Variants in DENND1B observed in about 807,000 individuals in gnomAD.
The protein encoded by DENND1B is DENN domain-containing protein 1B.
Under a neutral mutation model 90.1 loss-of-function variants are expected in DENND1B, and 59 were observed. The observed-to-expected ratio is 0.65, with a 90% confidence interval of 0.53 to 0.81. The LOEUF is 0.81. Among genes scored for constraint, DENND1B ranks in the 40% least tolerant of loss-of-function variants. The pLI, the probability that DENND1B is intolerant of heterozygous loss-of-function variation, is 0.00. For synonymous variants in DENND1B, 337 were observed against 324.6 expected (o/e 1.04, Z -0.41); for missense variants, 862 against 912.6 (o/e 0.94, Z 0.71).
chr1:197,777,522 A>G (rs1657328643), upstream of DENND1B, among the ~76,000 whole-genome samples: 1 of 152,192 alleles, frequency 6.6e-6, no homozygotes, highest in Non-Finnish European at 1.5e-5. Flanking sequence ...AAATTAGAAA[A>G]CAAATATCAT....
At chr1:197,582,946 G>A (rs1288875450) in intron 15 of DENND1B, among the ~76,000 whole-genome samples, 1 of 152,110 alleles carries the variant, frequency 6.6e-6, no homozygotes, top group African/African-American at 2.4e-5. Context: ...AGCCACATTT[G>A]ATGAGAAATT....
chr1:197,613,970 T>C (rs1677410280), intron 11 of DENND1B, among the ~76,000 whole-genome samples: 1 of 150,794 alleles, frequency 6.6e-6, no homozygotes, highest in South Asian at 2.1e-4. Flanking sequence ...AATGGGTGGG[T>C]CAGATTTTCT....
rs923539453 is a variant in DENND1B, at chr1:197,599,591, C to T, written c.922-4258G>A. On this transcript the variant is annotated intron_variant, in intron 13 of 22. Transcript: ENST00000620048. ...TTATAAAGTTGAAAACTTTTATTCTCCCTTGAATCATGTTATAGTTATCAC... is the reference window on the plus strand; with the variant it reads ...TTATAAAGTTGAAAACTTTTATTCTTCCTTGAATCATGTTATAGTTATCAC... 2.0e-4 allele frequency among the ~76,000 whole-genome samples: 31 copies of T among 151,610 alleles called. 1 individual carries two copies. Among genetic ancestry groups the T allele is most frequent in the Non-Finnish European group, 4.4e-5 (3 of 67,828 alleles).
intron 5 of DENND1B, among the ~76,000 whole-genome samples, chr1:197,663,981 T>C (rs764700911): frequency 4.8e-4 from 73 of 151,414 alleles, no homozygotes; most frequent in Non-Finnish European, 8.6e-4. Context: ...AACATCATTT[T>C]TAAAAAGAAA....
At chr1:197,658,396 T>C in intron 5 of DENND1B, 27 bp from the exon 6 acceptor site, 1 of 1,414,408 alleles carries the variant, frequency 7.1e-7, no homozygotes, top group Non-Finnish European at 9.9e-7. Context: ...TTAAAATGTA[T>C]ATACATAAAA....
At chr1:197,734,157 A>C in intron 2 of DENND1B, 1 of 909,228 alleles carries the variant, frequency 1.1e-6, no homozygotes, top group Non-Finnish European at 1.3e-6. Flanking sequence ...AATAAGTTTT[A>C]AAATATTGAA....
chr1:197,781,764 T>C, the DENND1B span, among the ~76,000 whole-genome samples: 1 of 152,224 alleles, frequency 6.6e-6, no homozygotes, highest in Non-Finnish European at 1.5e-5. Context: ...GTCTTCCAGT[T>C]TGTGGACAAA....
intron 17 of DENND1B, 106 bp from the exon 18 acceptor site, chr1:197,546,096 A>C: frequency 1.3e-6 from 1 of 795,264 alleles, no homozygotes; most frequent in African/African-American, 1.9e-5. Context: ...CTTTACTCAC[A>C]ACTTAAAGAC....
intron 4 of DENND1B, 110 bp from the exon 5 acceptor site, chr1:197,672,266 AGTTG>A: frequency 7.6e-7 from 1 of 1,307,672 alleles, no homozygotes; most frequent in Non-Finnish European, 1.0e-6. Context: ...CTTTCTAATC[AGTTG>A]GTTCTTGAAG....
rs757558867 is a variant in DENND1B, at chr1:197,715,083, A to C, written c.83-9T>G. The C allele has an allele frequency of 6.2e-7, 1 of 1,609,144 alleles. No individual in the cohort carries two copies. The highest frequency in any genetic ancestry group is 1.1e-5 in the South Asian group (1 of 90,108). On this transcript the variant is annotated splice_polypyrimidine_tract_variant and intron_variant, in intron 2 of 22. Coordinates refer to ENST00000620048, the MANE Select transcript of DENND1B (RefSeq NM_001195215.2). ...CCACAATACCACAGGATCTGTAAAT[A>C]ATTGACATGTATAATTAAACAGCAG...
intron 20 of DENND1B, among the ~76,000 whole-genome samples, chr1:197,522,701 T>C (rs547091871): frequency 1.2e-3 from 178 of 152,236 alleles, no homozygotes; most frequent in African/African-American, 4.1e-3. Context: ...AGCTGGATAA[T>C]CTTTTTAAAA....
In DENND1B at chr1:197,622,996, T is replaced by C. The variant is rs79460294; in HGVS notation, c.673-5237A>G. The stretch of plus-strand genomic sequence containing the variant: ...CTATGAAAAATAGCACAATTTTAAC[T>C]AGCATGCCTTACAGGTAAAGGTATC... On this transcript the variant is annotated intron_variant, in intron 10 of 22. Coordinates refer to ENST00000620048, the MANE Select transcript of DENND1B (RefSeq NM_001195215.2). Among the ~76,000 whole-genome samples the C allele has an allele frequency of 1.9e-3, 285 of 151,440 alleles. 1 individual carries two copies. The highest frequency in any genetic ancestry group is 6.6e-3 in the African/African-American group (272 of 41,422).
intron 2 of DENND1B, among the ~76,000 whole-genome samples, chr1:197,759,626 C>T (rs1654760940): frequency 6.6e-6 from 1 of 150,682 alleles, no homozygotes. Flanking sequence ...GCCTGTAGTC[C>T]CAGCTACTCA....
At chr1:197,663,057 C>G (rs1654581133) in intron 5 of DENND1B, among the ~76,000 whole-genome samples, 1 of 152,062 alleles carries the variant, frequency 6.6e-6, no homozygotes. Flanking sequence ...CTGCAAAAGT[C>G]TTCAAGATGC....
intron 2 of DENND1B, among the ~76,000 whole-genome samples, chr1:197,744,170 A>G (rs1055720371): frequency 6.6e-6 from 1 of 152,286 alleles, no homozygotes; most frequent in South Asian, 2.1e-4. Context: ...GTTAATGTCG[A>G]TATTTTGACC....
chr1:197,702,194 G>A (rs1232946788), intron 3 of DENND1B, among the ~76,000 whole-genome samples: 7 of 152,040 alleles, frequency 4.6e-5, no homozygotes, highest in African/African-American at 1.7e-4. Context: ...AAATGAGCTA[G>A]ACTTTCAAAA....
intron 5 of DENND1B, among the ~76,000 whole-genome samples, chr1:197,668,696 TC>T (rs931259319): frequency 6.6e-5 from 10 of 151,928 alleles, no homozygotes; most frequent in African/African-American, 2.4e-4. Flanking sequence ...TTAGCATTTT[TC>T]CTACTATAAA....
intron 16 of DENND1B, among the ~76,000 whole-genome samples, chr1:197,549,479 T>G (rs1671058336): frequency 6.6e-6 from 1 of 152,160 alleles, no homozygotes; most frequent in Non-Finnish European, 1.5e-5. Context: ...AGTAACCACA[T>G]ACTCCTCATA....
intron 2 of DENND1B, among the ~76,000 whole-genome samples, chr1:197,751,866 G>A (rs942568057): frequency 6.9e-6 from 1 of 145,044 alleles, no homozygotes; most frequent in Non-Finnish European, 1.5e-5. Flanking sequence ...GAAGGCAGGG[G>A]AAGAAGGAGG....
Sources: allele counts gnomAD v4.1 joint callset (sites outside exome capture counted in the v4.1 genomes callset), GRCh38; gene constraint gnomAD v4.1.1; transcripts MANE v1.5; gene names NCBI Gene and HGNC (gene_info 2026-07-23, HGNC 2026-07-21).